The following FAM222A variants were observed in gnomAD, a reference collection of about 807,000 sequenced individuals.
FAM222A encodes protein FAM222A.
In FAM222A, 7 loss-of-function variants were observed where a neutral mutation model predicts 25.8. The observed-to-expected ratio is 0.27, with a 90% CI of 0.15 to 0.51. FAM222A has a LOEUF of 0.51. FAM222A is among the 20% of genes least tolerant of loss of function. FAM222A has a pLI of 0.97. For synonymous variants in FAM222A, 294 were observed against 298.8 expected (o/e 0.98, Z 0.17); for missense variants, 573 against 640.5 (o/e 0.89, Z 1.14).
At chr12:109,744,031 C>T (rs992963157) in intron 1 of FAM222A, 70 bp from the exon 2 acceptor site, 19 of 1,463,852 alleles carry the variant, frequency 1.3e-5, no homozygotes, top group Admixed American at 4.8e-5. Context: ...GGGAGACTCC[C>T]GGGGGGAATG....
chr12:109,716,851 A>T (rs1887655550), intron 1 of FAM222A, among the ~76,000 whole-genome samples: 1 of 152,236 alleles, frequency 6.6e-6, no homozygotes, highest in Non-Finnish European at 1.5e-5. Context: ...CAGCTTTCTC[A>T]GCATCTCCCT....
At position 109,755,405 on chromosome 12, in the gene FAM222A, C is replaced by T. The variant is rs138115962; in HGVS notation, c.82+11177C>T. On this transcript the variant is annotated intron_variant, in intron 2 of 2. Transcript: ENST00000538780. ...TCGGCTCACCGCAATCTCGGCTCAC[C>T]GCAACCTCTGCCTCCCGAGTTCAAG... Among the ~76,000 whole-genome samples, 156 of 149,692 alleles carry T rather than the reference C, an allele frequency of 1.0e-3. No individual in the cohort carries two copies. In the Middle Eastern group the frequency reaches 0.032, roughly 30 times the overall value.
chr12:109,738,336 C>T (rs1161878493), intron 1 of FAM222A, among the ~76,000 whole-genome samples: 2 of 152,194 alleles, frequency 1.3e-5, no homozygotes, highest in Admixed American at 6.5e-5. Context: ...AGGGCCACAC[C>T]ACCAGGGTCT....
chr12:109,717,524 T>C (rs1014887956), intron 1 of FAM222A, among the ~76,000 whole-genome samples: 1 of 151,678 alleles, frequency 6.6e-6, no homozygotes, highest in Non-Finnish European at 1.5e-5. Flanking sequence ...CAGACAGGAG[T>C]GAGAAGACTG....
chr12:109,721,408 G>A (rs1416291118), intron 1 of FAM222A, among the ~76,000 whole-genome samples: 1 of 152,188 alleles, frequency 6.6e-6, no homozygotes, highest in Admixed American at 6.5e-5. Flanking sequence ...GTCAAGGATG[G>A]CAAATCTGTG....
rs1888554834 is a variant in FAM222A, at chr12:109,751,364, G to A, written c.82+7136G>A. Reference sequence around the variant, plus strand: ...TATCCTTCTGATGGGAGGTGTTTTTGGCCAACCATTAATTTACTTATGCTT... The same window carrying A: ...TATCCTTCTGATGGGAGGTGTTTTTAGCCAACCATTAATTTACTTATGCTT... On this transcript the variant is annotated intron_variant, in intron 2 of 2. Coordinates refer to ENST00000538780, the MANE Select transcript of FAM222A (RefSeq NM_032829.3). 2.6e-5 allele frequency among the ~76,000 whole-genome samples: 4 copies of A among 151,830 alleles called. No homozygotes were observed. In the South Asian group the frequency reaches 8.3e-4, roughly 32 times the overall value.
At chr12:109,758,772 G>A (rs1199276455) in intron 2 of FAM222A, among the ~76,000 whole-genome samples, 1 of 152,202 alleles carries the variant, frequency 6.6e-6, no homozygotes, top group Non-Finnish European at 1.5e-5. Context: ...GGGGAATGCA[G>A]ATGTGGAGCT....
At chr12:109,764,483 A>G (rs1888987231) in intron 2 of FAM222A, among the ~76,000 whole-genome samples, 1 of 152,202 alleles carries the variant, frequency 6.6e-6, no homozygotes, top group African/African-American at 2.4e-5. Flanking sequence ...TGTAGATTTA[A>G]TCATTTTCAC....
At chr12:109,735,767 T>C (rs986274055) in intron 1 of FAM222A, 1 of 152,322 alleles carries the variant, frequency 6.6e-6, no homozygotes, top group East Asian at 1.9e-4. Context: ...CATTATGACA[T>C]CGTAGTACTG....
At position 109,770,308 on chromosome 12, in the gene FAM222A, T is replaced by C. The variant is rs1383465103; in HGVS notation, c.*1020T>C. On this transcript the variant is annotated 3_prime_UTR_variant, in exon 3 of 3. Coordinates refer to ENST00000538780, the MANE Select transcript of FAM222A (RefSeq NM_032829.3). ...GTCCCCTCACGAAGTCCTCAAGTCC[T>C]GGCCCCTCTGGCGCTCTGGAAGCGG... 2.0e-5 allele frequency: 3 copies of C among 152,658 alleles called. No homozygotes were observed. Among genetic ancestry groups the C allele is most frequent in the Non-Finnish European group, 4.4e-5 (3 of 68,070 alleles). 9.5% of individuals were successfully genotyped at this position (152,658 alleles called of 1,614,324 possible). A position where few individuals can be genotyped will look rare whatever the true frequency, so the allele number is the denominator to read the frequency against.
chr12:109,725,569 A>G (rs1887825027), intron 1 of FAM222A, among the ~76,000 whole-genome samples: 1 of 151,904 alleles, frequency 6.6e-6, no homozygotes. Context: ...TGCAGCAGGT[A>G]GCAGGGGAAA....
chr12:109,737,752 G>A (rs961218147), intron 1 of FAM222A, among the ~76,000 whole-genome samples: 3 of 152,090 alleles, frequency 2.0e-5, no homozygotes, highest in Admixed American at 1.3e-4. Context: ...ATCAGGAGAG[G>A]GGTTAAAGAA....
At chr12:109,761,770 G>A (rs1342019980) in intron 2 of FAM222A, among the ~76,000 whole-genome samples, 2 of 152,116 alleles carry the variant, frequency 1.3e-5, no homozygotes, top group African/African-American at 4.8e-5. Context: ...AGCTCCCAGG[G>A]CTTCCTTTGG....
chr12:109,764,221 T>TAAAAAAAAAAA (rs1565847960), intron 2 of FAM222A, among the ~76,000 whole-genome samples: 3 of 9,864 alleles, frequency 3.0e-4, no homozygotes, highest in African/African-American at 3.4e-4. Flanking sequence ...GACCCTGTCT[T>TAAAAAAAAAAA]CAAAAAAAAA....
At chr12:109,725,896 C>A (rs947631312) in intron 1 of FAM222A, among the ~76,000 whole-genome samples, 1 of 151,826 alleles carries the variant, frequency 6.6e-6, no homozygotes, top group African/African-American at 2.4e-5. Context: ...CACAGTGTTC[C>A]CGGGCGCCCG....
chr12:109,714,693 C>T lies in FAM222A; in HGVS notation c.-251C>T, dbSNP rs1887608810. ...GGGCGTGACCCCTGCTGAACGGAGA[C>T]CTCCCCTCCCCCCCGACTTCGGACG... On this transcript the variant is annotated 5_prime_UTR_variant, in exon 1 of 3. Coordinates refer to ENST00000538780, the MANE Select transcript of FAM222A (RefSeq NM_032829.3). This position sits in a 1 kb window ranked among gnomAD's most constrained non-coding sequence, Gnocchi z 4.2. 1 of 152,202 alleles carries T rather than the reference C, an allele frequency of 6.6e-6. No homozygotes were observed. Among genetic ancestry groups the T allele is most frequent in the Non-Finnish European group, 1.5e-5 (1 of 68,048 alleles). The allele number at this position is 152,202 out of a possible 1,614,324, so 9.4% of individuals were successfully genotyped here.
intron 1 of FAM222A, among the ~76,000 whole-genome samples, chr12:109,725,729 G>A (rs1228562899): frequency 6.6e-6 from 1 of 151,772 alleles, no homozygotes; most frequent in African/African-American, 2.4e-5. Context: ...GCAAATGTCA[G>A]GCGCCAAGTT....
At chr12:109,730,724 G>C (rs372137959) in intron 1 of FAM222A, among the ~76,000 whole-genome samples, 1 of 152,192 alleles carries the variant, frequency 6.6e-6, no homozygotes, top group Non-Finnish European at 1.5e-5. Context: ...GCTCAGGCAG[G>C]GTTGGTGACT....
chr12:109,740,281 G>A (rs931493027), intron 1 of FAM222A, among the ~76,000 whole-genome samples: 1 of 152,102 alleles, frequency 6.6e-6, no homozygotes, highest in Non-Finnish European at 1.5e-5. Context: ...TTTTCCTCGG[G>A]TGTCTCCGAG....
Sources: gnomAD v4.1 joint callset for allele counts (sites outside exome capture counted in the v4.1 genomes callset) on GRCh38, gnomAD v4.1.1 for gene constraint, Gnocchi (gnomAD v3.1) non-coding constraint, MANE v1.5 for transcripts, NCBI Gene and HGNC (gene_info 2026-07-23, HGNC 2026-07-21) for gene names.